The following SBF2 variants were observed in gnomAD, a reference collection of about 807,000 sequenced individuals.
SBF2 encodes SET binding factor 2.
Under a neutral mutation model 225.2 loss-of-function variants are expected in SBF2, and 112 were observed. That is an observed-to-expected ratio of 0.50 (90% CI 0.43 to 0.58). The LOEUF is 0.58. Among genes scored for constraint, SBF2 ranks in the 20% least tolerant of loss-of-function variants. SBF2 has a pLI of 0.00. For missense variants in SBF2, 1,996 were observed against 2,206.2 expected (o/e 0.90, Z 1.91); for synonymous variants, 763 against 773.3 (o/e 0.99, Z 0.22).
At chr11:9,868,059 T>C (rs1858379084) in intron 17 of SBF2, among the ~76,000 whole-genome samples, 1 of 152,262 alleles carries the variant, frequency 6.6e-6, no homozygotes, top group South Asian at 2.1e-4. Flanking sequence ...GATATTCTAA[T>C]TACCCTGATT....
chr11:10,003,622 C>T (rs1948069323), intron 6 of SBF2, among the ~76,000 whole-genome samples: 1 of 152,144 alleles, frequency 6.6e-6, no homozygotes, highest in African/African-American at 2.4e-5. Flanking sequence ...CTGCCTCGGC[C>T]TCCCAAAGTG....
chr11:9,781,382 A>G, intron 39 of SBF2, 125 bp downstream of exon 39: 1 of 1,276,794 alleles, frequency 7.8e-7, no homozygotes, highest in South Asian at 1.2e-5. Flanking sequence ...AACAATTCCC[A>G]TAGCCAAGGG....
intron 1 of SBF2, among the ~76,000 whole-genome samples, chr11:10,212,790 G>A (rs768456557): frequency 2.3e-4 from 35 of 152,282 alleles, no homozygotes; most frequent in East Asian, 3.9e-4. Flanking sequence ...GCTGGCTCAC[G>A]CCTGTAACCC....
At chr11:10,193,804 CA>C (rs1303840961) in intron 2 of SBF2, 97 bp downstream of exon 2, 1 of 851,254 alleles carries the variant, frequency 1.2e-6, no homozygotes, top group Non-Finnish European at 2.0e-6. Flanking sequence ...ATTAAATTAT[CA>C]AATTATTTAA....
At chr11:10,147,182 CA>C (rs1325904571) in intron 2 of SBF2, among the ~76,000 whole-genome samples, 1 of 151,966 alleles carries the variant, frequency 6.6e-6, no homozygotes, top group African/African-American at 2.4e-5. Context: ...GAGCTAAAAG[CA>C]GAACTATCAT....
intron 2 of SBF2, among the ~76,000 whole-genome samples, chr11:10,126,796 T>C (rs76310173): frequency 0.076 from 11,598 of 152,160 alleles, 627 homozygotes; most frequent in East Asian, 0.28. Flanking sequence ...TGTCCATCAA[T>C]GGATGAATAG....
At chr11:10,278,772 C>T (rs1295263166) in intron 1 of SBF2, among the ~76,000 whole-genome samples, 2 of 133,052 alleles carry the variant, frequency 1.5e-5, no homozygotes, top group African/African-American at 2.9e-5. Flanking sequence ...GCAACAAGAA[C>T]GAAACTCCAT....
chr11:10,212,626 T>C (rs1347303851), intron 1 of SBF2, among the ~76,000 whole-genome samples: 1 of 152,208 alleles, frequency 6.6e-6, no homozygotes, highest in African/African-American at 2.4e-5. Flanking sequence ...GTGTTCTCTT[T>C]TCATTTGTTT....
At chr11:10,247,359 C>G (rs1037601215) in intron 1 of SBF2, among the ~76,000 whole-genome samples, 1 of 152,046 alleles carries the variant, frequency 6.6e-6, no homozygotes, top group Non-Finnish European at 1.5e-5. Context: ...AAATCAGTCT[C>G]TGTCATTCAC....
chr11:10,156,565 T>C (rs941446495), intron 2 of SBF2, among the ~76,000 whole-genome samples: 2 of 152,236 alleles, frequency 1.3e-5, no homozygotes, highest in African/African-American at 4.8e-5. Context: ...ACTTCATTGA[T>C]GGCTGTTCAG....
intron 2 of SBF2, among the ~76,000 whole-genome samples, chr11:10,132,317 C>G (rs925362138): frequency 7.2e-5 from 11 of 152,132 alleles, no homozygotes; most frequent in Non-Finnish European, 1.5e-4. Flanking sequence ...GACAGGGGTC[C>G]TAATGTGTCC....
chr11:9,960,082 A>C, intron 16 of SBF2: 1 of 191,014 alleles, frequency 5.2e-6, no homozygotes. Context: ...CTGCAGCCTA[A>C]CTCCTGGGCT....
At chr11:9,909,457 G>C (rs1862403736) in intron 16 of SBF2, among the ~76,000 whole-genome samples, 1 of 152,012 alleles carries the variant, frequency 6.6e-6, no homozygotes. Context: ...GGATCATGAG[G>C]TCAGGAGATC....
intron 26 of SBF2, among the ~76,000 whole-genome samples, chr11:9,833,587 A>AT (rs199970773): frequency 0.021 from 3,249 of 151,744 alleles, 59 homozygotes; most frequent in Non-Finnish European, 0.035. Flanking sequence ...TCCCTGGCTA[A>AT]TTTTTTGTAT....
chr11:10,101,609 T>C lies in SBF2; in HGVS notation c.142-58628A>G, dbSNP rs192482035. Among the ~76,000 whole-genome samples, 529 of 151,826 alleles carry C rather than the reference T, an allele frequency of 3.5e-3. 3 individuals carry two copies. Among genetic ancestry groups the C allele is most frequent in the African/African-American group, 0.012 (495 of 41,398 alleles). On this transcript the variant is annotated intron_variant, in intron 2 of 39. Coordinates refer to ENST00000256190, the MANE Select transcript of SBF2 (RefSeq NM_030962.4). ...AAACCTGGTATGCCGGCAAAAAGGG[T>C]AAGAAATTCTTACCAGTCAAAAGTT...
intron 16 of SBF2, among the ~76,000 whole-genome samples, chr11:9,909,846 C>T (rs1479839581): frequency 6.6e-6 from 1 of 152,032 alleles, no homozygotes; most frequent in Non-Finnish European, 1.5e-5. Flanking sequence ...GTATCTAGGC[C>T]TAGGACTTCC....
chr11:9,967,971 C>CTCTCTCTATATA (rs1260685462), intron 14 of SBF2, among the ~76,000 whole-genome samples: 4 of 91,502 alleles, frequency 4.4e-5, no homozygotes, highest in African/African-American at 1.1e-4. Context: ...CTCTCTCTCT[C>CTCTCTCTATATA]TATATATATA....
At chr11:10,242,403 CA>C (rs888621797) in intron 1 of SBF2, among the ~76,000 whole-genome samples, 4 of 151,128 alleles carry the variant, frequency 2.6e-5, no homozygotes, top group African/African-American at 9.7e-5. Context: ...TATATTATTA[CA>C]AAAAAAATCA....
At chr11:9,913,438 A>G (rs1358710850) in intron 16 of SBF2, among the ~76,000 whole-genome samples, 1 of 152,198 alleles carries the variant, frequency 6.6e-6, no homozygotes, top group Admixed American at 6.5e-5. Flanking sequence ...ATGTGAAACA[A>G]TAATGGAGTT....
Sources: allele counts gnomAD v4.1 joint callset (sites outside exome capture counted in the v4.1 genomes callset), GRCh38; gene constraint gnomAD v4.1.1; transcripts MANE v1.5; gene names NCBI Gene and HGNC (gene_info 2026-07-23, HGNC 2026-07-21).